Variants in NR3C2 observed in about 807,000 individuals in gnomAD.
NR3C2 encodes the protein mineralocorticoid receptor.
In NR3C2, 15 loss-of-function variants were observed where a neutral mutation model predicts 86.4. The observed-to-expected ratio is 0.17, with a 90% confidence interval of 0.12 to 0.27. NR3C2 has a LOEUF of 0.27. NR3C2 is among the 10% of genes least tolerant of loss of function. The pLI is 1.00. For missense variants in NR3C2, 960 were observed against 1,195.6 expected (o/e 0.80, Z 2.91); for synonymous variants, 458 against 450.5 (o/e 1.02, Z -0.21).
At chr4:148,206,298 T>C (rs1737005222) in intron 3 of NR3C2, among the ~76,000 whole-genome samples, 1 of 152,202 alleles carries the variant, frequency 6.6e-6, no homozygotes, top group Non-Finnish European at 1.5e-5. Flanking sequence ...GCCAACGCCA[T>C]CCTAAATCAT....
chr4:148,213,836 A>G (rs747835780), intron 3 of NR3C2, among the ~76,000 whole-genome samples: 3 of 152,250 alleles, frequency 2.0e-5, no homozygotes, highest in Non-Finnish European at 4.4e-5. Flanking sequence ...GTAGCTGTCT[A>G]TGGAATACTT....
chr4:148,240,828 C>A (rs1738991109), intron 3 of NR3C2, among the ~76,000 whole-genome samples: 1 of 152,194 alleles, frequency 6.6e-6, no homozygotes, highest in African/African-American at 2.4e-5. Flanking sequence ...AAGTCTTCAG[C>A]CTTAGTTACC....
At chr4:148,294,678 TA>T (rs35649035) in intron 2 of NR3C2, among the ~76,000 whole-genome samples, 116,941 of 149,808 alleles carry the variant, frequency 0.78, 45,614 homozygotes, top group Middle Eastern at 0.86. Flanking sequence ...CTCATTGATA[TA>T]AAAAAAAAAA....
At chr4:148,185,562 A>G (rs1735851943) in intron 4 of NR3C2, among the ~76,000 whole-genome samples, 1 of 152,170 alleles carries the variant, frequency 6.6e-6, no homozygotes, top group African/African-American at 2.4e-5. Context: ...TTCCATCACA[A>G]TACAAAATTC....
At chr4:148,321,726 T>G (rs368521278) in intron 2 of NR3C2, among the ~76,000 whole-genome samples, 280 of 152,210 alleles carry the variant, frequency 1.8e-3, no homozygotes, top group African/African-American at 5.1e-3. Flanking sequence ...TTTTCCATTT[T>G]CTTGGTAGAT....
intron 2 of NR3C2, among the ~76,000 whole-genome samples, chr4:148,334,240 G>A (rs1744371550): frequency 1.3e-5 from 2 of 152,170 alleles, no homozygotes; most frequent in South Asian, 4.1e-4. Flanking sequence ...ATCTTTCAAG[G>A]CTATAGAACT....
chr4:148,130,819 GT>G lies in NR3C2; in HGVS notation c.2511-10532del, dbSNP rs376180676. On this transcript the variant is annotated intron_variant, in intron 6 of 8. Coordinates refer to ENST00000358102, the MANE Select transcript of NR3C2 (RefSeq NM_000901.5). ...TTTTTGTTTTGTTTTGTTTTGTTTTGTTTTTTTTTTTTTTTTTTTTTTGAGA... is the reference window on the plus strand; with the variant it reads ...TTTTTGTTTTGTTTTGTTTTGTTTTGTTTTTTTTTTTTTTTTTTTTTGAGA... 8.7e-4 allele frequency among the ~76,000 whole-genome samples: 95 copies of G among 108,900 alleles called. 1 individual carries two copies. The highest frequency in any genetic ancestry group is 4.4e-3 in the East Asian group (18 of 4,120). The allele number at this position is 108,900 out of a possible 152,430, so 71.4% of individuals were successfully genotyped here. A position where few individuals can be genotyped will look rare whatever the true frequency, so the allele number is the denominator to read the frequency against.
intron 3 of NR3C2, among the ~76,000 whole-genome samples, chr4:148,231,205 T>G (rs1488394756): frequency 6.6e-6 from 1 of 152,212 alleles, no homozygotes; most frequent in East Asian, 1.9e-4. Flanking sequence ...CTCTAATGCA[T>G]GTAAGGACCT....
In NR3C2 at chr4:148,284,874, C is replaced by T. The variant is rs533737814; in HGVS notation, c.1758-24757G>A. Among the ~76,000 whole-genome samples the T allele has an allele frequency of 1.3e-4, 20 of 152,250 alleles. No individual in the cohort carries two copies. The East Asian group carries it at 3.3e-3, about 25-fold the overall frequency. On this transcript the variant is annotated intron_variant, in intron 2 of 8. Transcript: ENST00000358102. The stretch of plus-strand genomic sequence containing the variant: ...GCATGTATTATTTTACTCAGTCCTA[C>T]AAAAAAGTCTTCTCACTATTGGTCA...
At chr4:148,332,210 G>T (rs1405178872) in intron 2 of NR3C2, among the ~76,000 whole-genome samples, 1 of 152,072 alleles carries the variant, frequency 6.6e-6, no homozygotes. Flanking sequence ...CTCAGAAAAA[G>T]AAATATGTTC....
chr4:148,319,035 T>A (rs1456753914), intron 2 of NR3C2, among the ~76,000 whole-genome samples: 3 of 151,958 alleles, frequency 2.0e-5, no homozygotes, highest in African/African-American at 4.8e-5. Context: ...CTTTAATCAA[T>A]CTTGAATTGA....
upstream of NR3C2, chr4:148,444,580 C>CCCG: frequency 2.0e-6 from 2 of 988,306 alleles, no homozygotes; most frequent in African/African-American, 1.7e-5. Flanking sequence ...CGGCTAGACT[C>CCCG]CCGCCGCCGC....
chr4:148,337,496 C>T (rs1487883416), intron 2 of NR3C2, among the ~76,000 whole-genome samples: 1 of 152,224 alleles, frequency 6.6e-6, no homozygotes, highest in East Asian at 1.9e-4. Context: ...AGGGATGCTA[C>T]AAAGTTGAAA....
At chr4:148,390,098 G>A (rs913593814) in intron 2 of NR3C2, among the ~76,000 whole-genome samples, 1 of 149,068 alleles carries the variant, frequency 6.7e-6, no homozygotes, top group Non-Finnish European at 1.5e-5. Flanking sequence ...AAGGAAATAT[G>A]ATCAGGAACC....
chr4:148,350,537 G>A (rs1745222236), intron 2 of NR3C2, among the ~76,000 whole-genome samples: 1 of 152,096 alleles, frequency 6.6e-6, no homozygotes. Flanking sequence ...TTACACCCTG[G>A]TTCAGGTCAT....
intron 2 of NR3C2, among the ~76,000 whole-genome samples, chr4:148,311,534 A>G (rs1275126730): frequency 6.6e-6 from 1 of 152,142 alleles, no homozygotes; most frequent in Non-Finnish European, 1.5e-5. Context: ...CACTACCACA[A>G]TGCTCCAGCA....
chr4:148,294,362 TC>T (rs1741946326), intron 2 of NR3C2, among the ~76,000 whole-genome samples: 1 of 152,198 alleles, frequency 6.6e-6, no homozygotes, highest in African/African-American at 2.4e-5. Context: ...GGTAGTTCCA[TC>T]CTTTATTTTT....
chr4:148,232,286 C>T (rs532124296), intron 3 of NR3C2, among the ~76,000 whole-genome samples: 18 of 152,252 alleles, frequency 1.2e-4, no homozygotes, highest in Admixed American at 1.1e-3. Flanking sequence ...ACATGAAAGT[C>T]AAAATTCCTC....
intron 2 of NR3C2, among the ~76,000 whole-genome samples, chr4:148,267,143 G>A (rs1365902803): frequency 6.6e-6 from 1 of 152,150 alleles, no homozygotes; most frequent in East Asian, 1.9e-4. Context: ...TGATAGCAAA[G>A]GTCCTACCAT....
Sources: allele counts gnomAD v4.1 joint callset (sites outside exome capture counted in the v4.1 genomes callset), GRCh38; gene constraint gnomAD v4.1.1; transcripts MANE v1.5; gene names NCBI Gene and HGNC (gene_info 2026-07-23, HGNC 2026-07-21).